PIK3R1: variants seen among roughly 807,000 people sequenced by gnomAD.
The protein encoded by PIK3R1 is phosphoinositide-3-kinase regulatory subunit 1.
In PIK3R1, 29 loss-of-function variants were observed where a neutral mutation model predicts 98.0. That is an observed-to-expected ratio of 0.30 (90% confidence interval 0.22 to 0.40). PIK3R1 has a LOEUF of 0.40. PIK3R1 is among the 10% of genes least tolerant of loss of function. PIK3R1 has a pLI of 1.00. For missense variants in PIK3R1, 596 were observed against 872.7 expected, an observed-to-expected ratio of 0.68 and a Z score of 3.99; for synonymous variants, 282 against 311.8, an observed-to-expected ratio of 0.90 and a Z score of 1.01.
chr5:68,235,197 G>A (rs1744616923), intron 2 of PIK3R1, among the ~76,000 whole-genome samples: 1 of 152,058 alleles, frequency 6.6e-6, no homozygotes, highest in Admixed American at 6.5e-5. Flanking sequence ...GAGGTCAGGA[G>A]ATCAAAACCA....
chr5:68,295,731 C>A, intron 14 of PIK3R1: 1 of 527,012 alleles, frequency 1.9e-6, no homozygotes, highest in Non-Finnish European at 3.4e-6. Context: ...TAATGATGTC[C>A]CTGAACATCT....
chr5:68,247,494 G>A (rs1745145038), intron 2 of PIK3R1, among the ~76,000 whole-genome samples: 1 of 151,492 alleles, frequency 6.6e-6, no homozygotes, highest in African/African-American at 2.4e-5. Context: ...GTTTCACCAT[G>A]TTGCCTAGGC....
At chr5:68,292,992 T>G in intron 8 of PIK3R1, 109 bp from the exon 9 acceptor site, 1 of 877,266 alleles carries the variant, frequency 1.1e-6, no homozygotes, top group Non-Finnish European at 1.8e-6. Context: ...ACTTTCCACT[T>G]GATTTTGCTG....
In PIK3R1 at chr5:68,298,474, ACCCCAGTTTTTGTTG is replaced by A; in HGVS notation, c.*875_*889del. The A allele has an allele frequency of 4.3e-6, 1 of 232,858 alleles. No homozygotes were observed. The allele number at this position is 232,858 out of a possible 1,614,324, so 14.4% of individuals were successfully genotyped here. On this transcript the variant is annotated 3_prime_UTR_variant, in exon 16 of 16. Coordinates refer to ENST00000521381, the MANE Select transcript of PIK3R1 (RefSeq NM_181523.3). ...ATGTACCTTCAGAATAAGCTTCCCC[ACCCCAGTTTTTGTTG>A]CTTGAAAATATTGTTGTCCCGGATT...
intron 2 of PIK3R1, among the ~76,000 whole-genome samples, chr5:68,254,609 T>C (rs1381514411): frequency 6.6e-6 from 1 of 152,226 alleles, no homozygotes; most frequent in Non-Finnish European, 1.5e-5. Context: ...TTATGGAATA[T>C]TGGTTTGATA....
At chr5:68,278,091 T>C (rs17318918) in intron 4 of PIK3R1, among the ~76,000 whole-genome samples, 11,924 of 152,010 alleles carry the variant, frequency 0.078, 594 homozygotes, top group Non-Finnish European at 0.11. Flanking sequence ...TAGCATCCCT[T>C]TCTTCTGCTG....
intron 2 of PIK3R1, among the ~76,000 whole-genome samples, chr5:68,252,472 G>A (rs1745354098): frequency 6.6e-6 from 1 of 152,096 alleles, no homozygotes; most frequent in Admixed American, 6.6e-5. Context: ...AGAAAAAGTA[G>A]AATAAAATGT....
intron 2 of PIK3R1, among the ~76,000 whole-genome samples, chr5:68,252,179 G>T (rs182386710): frequency 9.2e-5 from 14 of 152,080 alleles, no homozygotes; most frequent in African/African-American, 3.4e-4. Flanking sequence ...GACCACTCTC[G>T]GCCATGCTGT....
chr5:68,297,526 C>T lies in PIK3R1; in HGVS notation c.2100C>T (p.His700=), dbSNP rs1438509498. The T allele has an allele frequency of 1.2e-6, 2 of 1,614,062 alleles. No homozygotes were observed. The highest frequency in any genetic ancestry group is 1.3e-5 in the African/African-American group (1 of 74,938). ...SLKELVLHYQ[H]TSLVQHNDSL... ...AAGAACTGGTGCTACATTACCAACA[C>T]ACCTCCCTTGTGCAGCACAACGACT... is the stretch of plus-strand genomic sequence containing the variant. The change falls in exon 16 of 16, where the codon CAC becomes CAT. Residue 700 remains histidine (H), a synonymous_variant. Transcript: ENST00000521381.
intron 2 of PIK3R1, among the ~76,000 whole-genome samples, chr5:68,253,401 G>A (rs1222734002): frequency 6.6e-6 from 1 of 152,094 alleles, no homozygotes; most frequent in Non-Finnish European, 1.5e-5. Context: ...TTAAAACTAG[G>A]CTCTGAGAAA....
intron 4 of PIK3R1, among the ~76,000 whole-genome samples, chr5:68,274,805 AT>A (rs541293044): frequency 2.0e-3 from 304 of 152,346 alleles, no homozygotes; most frequent in Admixed American, 4.0e-3. Context: ...ACTTGCCAGC[AT>A]TCCAGCAAGT....
At chr5:68,231,865 G>A (rs181157323) in intron 2 of PIK3R1, among the ~76,000 whole-genome samples, 217 of 152,242 alleles carry the variant, frequency 1.4e-3, no homozygotes, top group Non-Finnish European at 2.2e-3. Context: ...CCAATTTATG[G>A]TGCTGACTGC....
intron 1 of PIK3R1, 144 bp from the exon 2 acceptor site, chr5:68,226,146 C>G (rs766225510): frequency 2.9e-4 from 91 of 311,318 alleles, no homozygotes; most frequent in African/African-American, 1.7e-3. Flanking sequence ...CCTTACTAAT[C>G]TCTGTTGTGT....
chr5:68,222,462 A>G (rs1350869847), intron 1 of PIK3R1, among the ~76,000 whole-genome samples: 1 of 146,936 alleles, frequency 6.8e-6, no homozygotes, highest in African/African-American at 2.6e-5. Flanking sequence ...TGCTAAGGAT[A>G]CAGGTGGCAG....
chr5:68,293,075 A>G, intron 8 of PIK3R1, 26 bp from the exon 9 acceptor site: 1 of 1,543,178 alleles, frequency 6.5e-7, no homozygotes, highest in East Asian at 2.2e-5. Context: ...CCTTAAGATG[A>G]GCATTGTTTT....
Position 68,297,584 on chromosome 5 carries a change from G to C in PIK3R1, c.2158G>C (p.Ala720Pro), listed in dbSNP as rs1193525539. 1.2e-6 allele frequency: 2 copies of C among 1,613,850 alleles called. No individual in the cohort carries two copies. The highest frequency in any genetic ancestry group is 1.7e-6 in the Non-Finnish European group (2 of 1,179,924). Residue 720 changes from alanine to proline, a missense_variant, in exon 16 of 16, where the codon GCA becomes CCA. Coordinates refer to ENST00000521381, the MANE Select transcript of PIK3R1 (RefSeq NM_181523.3). ...TGTCACACTAGCCTACCCAGTATATGCACAGCAGAGGCGATGAAGCGCTTA... is the reference window on the plus strand; with the variant it reads ...TGTCACACTAGCCTACCCAGTATATCCACAGCAGAGGCGATGAAGCGCTTA... ...LNVTLAYPVY[A>P]QQRR
Position 68,298,888 on chromosome 5 carries a change from G to C in PIK3R1, c.*1287G>C, listed in dbSNP as rs889684330. On this transcript the variant is annotated 3_prime_UTR_variant, in exon 16 of 16. Coordinates refer to ENST00000521381, the MANE Select transcript of PIK3R1 (RefSeq NM_181523.3). ...TCTAGGGAGGGGGAATGTAGTGAAG[G>C]GATGTATCAAGTGGGGTGGTGGGAG... 3.0e-5 allele frequency: 7 copies of C among 233,080 alleles called. No homozygotes were observed. Among genetic ancestry groups the C allele is most frequent in the Non-Finnish European group, 5.9e-5 (7 of 117,852 alleles). The allele number at this position is 233,080 out of a possible 1,614,324, so 14.4% of individuals were successfully genotyped here. A position where few individuals can be genotyped will look rare whatever the true frequency, so the allele number is the denominator to read the frequency against.
chr5:68,288,575 C>T (rs989759716), intron 7 of PIK3R1: 1 of 1,521,656 alleles, frequency 6.6e-7, no homozygotes, highest in African/African-American at 1.4e-5. Flanking sequence ...CTGGCGGCGC[C>T]CCCGCTCCTG....
chr5:68,239,828 T>G, intron 2 of PIK3R1: 3 of 504,744 alleles, frequency 5.9e-6, no homozygotes, highest in South Asian at 3.2e-5. Flanking sequence ...ACAAGCAGAT[T>G]TTTCCTCTCA....
Sources: gnomAD v4.1 joint callset for allele counts (sites outside exome capture counted in the v4.1 genomes callset) on GRCh38, gnomAD v4.1.1 for gene constraint, MANE v1.5 for transcripts, NCBI Gene and HGNC (gene_info 2026-07-23, HGNC 2026-07-21) for gene names.